PTPRQ: variants seen among roughly 807,000 people sequenced by gnomAD.
The protein encoded by PTPRQ is protein tyrosine phosphatase receptor type Q, also known as phosphatidylinositol phosphatase PTPRQ.
Under a neutral mutation model 246.0 loss-of-function variants are expected in PTPRQ, and 199 were observed. The observed-to-expected ratio is 0.81, with a 90% CI of 0.72 to 0.91. PTPRQ has a LOEUF of 0.91. Ranked by LOEUF, PTPRQ falls within the 40% of genes least tolerant of loss-of-function variation. The pLI is 0.00. For missense variants in PTPRQ, 2,624 were observed against 2,528.4 expected (o/e 1.04, Z -0.81); for synonymous variants, 869 against 853.2 (o/e 1.02, Z -0.32).
intron 8 of PTPRQ, among the ~76,000 whole-genome samples, chr12:80,478,751 C>T (rs576450774): frequency 2.5e-4 from 38 of 152,084 alleles, no homozygotes; most frequent in African/African-American, 7.5e-4. Flanking sequence ...GGAGCCGATG[C>T]GATCAACTGG....
rs1051822802 is a variant in PTPRQ at position 80,518,990 on chromosome 12, A to AT, written c.2678+8553dup. 1.5e-4 allele frequency among the ~76,000 whole-genome samples: 23 copies of AT among 151,932 alleles called. No individual in the cohort carries two copies. In the Middle Eastern group the frequency reaches 0.01, roughly 67 times the overall value. ...CATGGTTCCATATAAATTTTAGGATATTTTTTCTATTTCTGTGAAGAATGT... is the reference window on the plus strand; with the variant it reads ...CATGGTTCCATATAAATTTTAGGATATTTTTTTCTATTTCTGTGAAGAATGT... On this transcript the variant is annotated intron_variant, in intron 17 of 44. Coordinates refer to ENST00000644991, the MANE Select transcript of PTPRQ (RefSeq NM_001145026.2).
At chr12:80,461,704 G>T (rs1454086843) in intron 6 of PTPRQ, among the ~76,000 whole-genome samples, 1 of 148,572 alleles carries the variant, frequency 6.7e-6, no homozygotes, top group African/African-American at 2.5e-5. Flanking sequence ...GAAAATTATT[G>T]GTAGGGTAAT....
intron 17 of PTPRQ, among the ~76,000 whole-genome samples, chr12:80,517,853 T>G (rs1323051538): frequency 6.6e-6 from 1 of 152,218 alleles, no homozygotes; most frequent in Non-Finnish European, 1.5e-5. Context: ...TGCGTATAGA[T>G]GTACCACATT....
At chr12:80,650,743 C>A (rs1900228848) in intron 37 of PTPRQ, among the ~76,000 whole-genome samples, 1 of 151,904 alleles carries the variant, frequency 6.6e-6, no homozygotes, top group Admixed American at 6.6e-5. Flanking sequence ...TTTTCAGGAG[C>A]AAAAGTGTAA....
chr12:80,554,285 A>G (rs777230625), intron 25 of PTPRQ, among the ~76,000 whole-genome samples: 28 of 152,186 alleles, frequency 1.8e-4, no homozygotes, highest in Non-Finnish European at 3.1e-4. Flanking sequence ...TGATGTGATT[A>G]TTATACTTTG....
intron 42 of PTPRQ, 21 bp downstream of exon 42, chr12:80,670,513 G>T (rs921395758): frequency 6.6e-7 from 1 of 1,513,836 alleles, no homozygotes; most frequent in Admixed American, 2.2e-5. Flanking sequence ...GATCAGAAAT[G>T]GCCTTTGAAC....
chr12:80,592,506 A>G (rs376602067), intron 26 of PTPRQ, among the ~76,000 whole-genome samples: 1 of 152,184 alleles, frequency 6.6e-6, no homozygotes, highest in African/African-American at 2.4e-5. Context: ...AACATAATAT[A>G]TATGGTGAAA....
chr12:80,471,474 A>ATTTTTT (rs1176393485), intron 7 of PTPRQ, among the ~76,000 whole-genome samples: 32,973 of 72,734 alleles, frequency 0.45, 11,800 homozygotes, highest in Non-Finnish European at 0.57. Context: ...ATTATTTAGC[A>ATTTTTT]TTTTTTTTTT....
At chr12:80,504,693 T>C (rs924855248) in intron 14 of PTPRQ, among the ~76,000 whole-genome samples, 2 of 151,918 alleles carry the variant, frequency 1.3e-5, no homozygotes, top group Non-Finnish European at 2.9e-5. Context: ...TTAGGAGTAA[T>C]AGCAGCTCAG....
At chr12:80,672,699 T>C (rs1260338788) in intron 42 of PTPRQ, among the ~76,000 whole-genome samples, 1 of 152,026 alleles carries the variant, frequency 6.6e-6, no homozygotes, top group Non-Finnish European at 1.5e-5. Flanking sequence ...GCAAAATAAA[T>C]TCTAGAGAAA....
At chr12:80,496,678 G>A in intron 14 of PTPRQ, 147 bp downstream of exon 14, 5 of 1,045,494 alleles carry the variant, frequency 4.8e-6, no homozygotes, top group African/African-American at 1.7e-5. Flanking sequence ...TTCTTTTTCA[G>A]GCAAAAGTGC....
At position 80,545,787 on chromosome 12, in the gene PTPRQ, T is replaced by C. The variant is rs1452900305; in HGVS notation, c.3874-769T>C. 2.2e-5 allele frequency among the ~76,000 whole-genome samples: 3 copies of C among 137,432 alleles called. No homozygotes were observed. In the East Asian group the frequency reaches 5.8e-4, roughly 27 times the overall value. 90.2% of individuals were successfully genotyped at this position (137,432 alleles called of 152,430 possible). Reference sequence around the variant, plus strand: ...TTTATTATTATTATATATAATAATGTTATTATTATTTATTACTGTTTTGCC... The same window carrying C: ...TTTATTATTATTATATATAATAATGCTATTATTATTTATTACTGTTTTGCC... On this transcript the variant is annotated intron_variant, in intron 23 of 44. Coordinates refer to ENST00000644991, the MANE Select transcript of PTPRQ (RefSeq NM_001145026.2).
intron 26 of PTPRQ, among the ~76,000 whole-genome samples, chr12:80,594,009 C>A (rs1490973193): frequency 1.3e-5 from 2 of 151,474 alleles, no homozygotes; most frequent in East Asian, 3.9e-4. Flanking sequence ...TTTTAACTAC[C>A]CAAACATCTG....
At position 80,670,527 on chromosome 12, in the gene PTPRQ, T is replaced by C. The variant is rs936733787; in HGVS notation, c.6602+35T>C. On this transcript the variant is annotated intron_variant, in intron 42 of 44. Coordinates refer to ENST00000644991, the MANE Select transcript of PTPRQ (RefSeq NM_001145026.2). Reference sequence around the variant, plus strand: ...TGATCAGAAATGGCCTTTGAACCCATTGGTCTTTTTATTATTAAAATTCCA... The same window carrying C: ...TGATCAGAAATGGCCTTTGAACCCACTGGTCTTTTTATTATTAAAATTCCA... 3.5e-6 allele frequency: 5 copies of C among 1,438,872 alleles called. No homozygotes were observed. In the African/African-American group the frequency reaches 4.4e-5, roughly 13 times the overall value. The allele number at this position is 1,438,872 out of a possible 1,614,324, so 89.1% of individuals were successfully genotyped here.
At position 80,619,489 on chromosome 12, in the gene PTPRQ, G is replaced by A. The variant is rs1457976197; in HGVS notation, c.5336G>A (p.Ser1779Asn). The A allele has an allele frequency of 2.6e-6, 4 of 1,547,100 alleles. No homozygotes were observed. Among genetic ancestry groups the A allele is most frequent in the Admixed American group, 3.9e-5 (2 of 50,716 alleles). ...ATCAGAATGCCAATATGTTACTACA[G>A]TGATGATCATGGACCAATAAAAAAT... ...ITIRMPICYY[S>N]DDHGPIKNVQ... Residue 1779 changes from serine to asparagine, a missense_variant, in exon 31 of 45, where the codon AGT becomes AAT. By Grantham distance (46) the Ser-to-Asn change is conservative. Transcript: ENST00000644991.
intron 25 of PTPRQ, among the ~76,000 whole-genome samples, chr12:80,566,304 C>G (rs1457915559): frequency 6.6e-6 from 1 of 151,834 alleles, no homozygotes; most frequent in Non-Finnish European, 1.5e-5. Flanking sequence ...ATGGCAAAAC[C>G]CCGTCTCTAC....
chr12:80,651,629 G>T (rs1565842114), intron 37 of PTPRQ, among the ~76,000 whole-genome samples: 1 of 152,202 alleles, frequency 6.6e-6, no homozygotes, highest in East Asian at 1.9e-4. Context: ...AATCAACCTA[G>T]TGTTTGAGCA....
intron 8 of PTPRQ, 107 bp from the exon 9 acceptor site, chr12:80,484,326 A>C: frequency 6.0e-6 from 8 of 1,322,786 alleles, no homozygotes; most frequent in Non-Finnish European, 8.1e-6. Flanking sequence ...TTCTAATAGA[A>C]TTGTTTATAT....
intron 3 of PTPRQ, 161 bp downstream of exon 3, chr12:80,445,878 G>T: frequency 1.8e-6 from 1 of 544,770 alleles, no homozygotes; most frequent in South Asian, 2.8e-5. Context: ...TTTAAAACTT[G>T]GTAAAATGTT....
Sources: gnomAD v4.1 joint callset for allele counts (sites outside exome capture counted in the v4.1 genomes callset) on GRCh38, gnomAD v4.1.1 for gene constraint, MANE v1.5 for transcripts, NCBI Gene and HGNC (gene_info 2026-07-23, HGNC 2026-07-21) for gene names.